The following ATG4C variants were observed in gnomAD, a reference collection of about 807,000 sequenced individuals.
ATG4C encodes autophagy related 4C cysteine peptidase.
ATG4C carries 56 observed loss-of-function variants against 57.6 expected under a neutral mutation model. The ratio of observed to expected loss-of-function variants is 0.97; its 90% CI spans 0.78 to 1.21. ATG4C has a LOEUF of 1.21. ATG4C is among the 50% of genes most tolerant of loss of function. ATG4C has a pLI of 0.00. For missense variants in ATG4C, 595 were observed against 529.8 expected, an observed-to-expected ratio of 1.12 and a Z score of -1.21; for synonymous variants, 157 against 174.1, an observed-to-expected ratio of 0.90 and a Z score of 0.78.
intron 9 of ATG4C, among the ~76,000 whole-genome samples, chr1:62,836,797 C>A (rs931378195): frequency 2.0e-5 from 3 of 151,982 alleles, no homozygotes; most frequent in South Asian, 2.1e-4. Flanking sequence ...GAAATTGAAA[C>A]CTTAAATCAT....
intron 10 of ATG4C, among the ~76,000 whole-genome samples, chr1:62,852,957 T>TAGGA (rs1372171312): frequency 6.6e-6 from 1 of 152,188 alleles, no homozygotes; most frequent in African/African-American, 2.4e-5. Flanking sequence ...TTTGATCTCC[T>TAGGA]ATATTCTGAA....
At chr1:62,862,177 A>G (rs1052446120) in intron 10 of ATG4C, among the ~76,000 whole-genome samples, 2 of 152,160 alleles carry the variant, frequency 1.3e-5, no homozygotes, top group Admixed American at 6.5e-5. Context: ...GCATAAGGAG[A>G]CCTTATACTG....
intron 10 of ATG4C, among the ~76,000 whole-genome samples, chr1:62,852,259 C>T (rs1490819453): frequency 6.6e-6 from 1 of 152,140 alleles, no homozygotes; most frequent in Non-Finnish European, 1.5e-5. Context: ...ACCTCATGTG[C>T]ACATGTTTGG....
chr1:62,812,281 G>A (rs1026054950), intron 3 of ATG4C, among the ~76,000 whole-genome samples: 8 of 152,234 alleles, frequency 5.3e-5, no homozygotes, highest in South Asian at 4.1e-4. Flanking sequence ...CCACGATCAC[G>A]TCGGCTTCAT....
intron 10 of ATG4C, among the ~76,000 whole-genome samples, chr1:62,858,219 A>G (rs1044722845): frequency 2.0e-5 from 3 of 152,184 alleles, no homozygotes; most frequent in African/African-American, 7.2e-5. Flanking sequence ...TTCCTAATTA[A>G]TGTAAATGTT....
chr1:62,839,620 A>T (rs1463709097), intron 9 of ATG4C, among the ~76,000 whole-genome samples: 1 of 152,176 alleles, frequency 6.6e-6, no homozygotes, highest in African/African-American at 2.4e-5. Context: ...ATTCCTGTAA[A>T]TTGTTAACTA....
chr1:62,789,156 TC>T (rs2100274164), intron 1 of ATG4C, among the ~76,000 whole-genome samples: 1 of 152,362 alleles, frequency 6.6e-6, no homozygotes, highest in Admixed American at 6.5e-5. Context: ...AATAGTGATT[TC>T]CCACTTCTGT....
chr1:62,842,262 T>G (rs1666193249), intron 10 of ATG4C, among the ~76,000 whole-genome samples: 1 of 152,064 alleles, frequency 6.6e-6, no homozygotes, highest in Non-Finnish European at 1.5e-5. Context: ...TAGGCTATCA[T>G]TTTATGGTAT....
At chr1:62,791,114 T>C (rs1664261748) in intron 1 of ATG4C, among the ~76,000 whole-genome samples, 1 of 152,222 alleles carries the variant, frequency 6.6e-6, no homozygotes, top group African/African-American at 2.4e-5. Context: ...AATATGTCTC[T>C]TAATAGTTAT....
intron 10 of ATG4C, among the ~76,000 whole-genome samples, chr1:62,847,825 G>T (rs936469375): frequency 1.3e-5 from 2 of 152,108 alleles, no homozygotes; most frequent in Non-Finnish European, 2.9e-5. Context: ...CAAATGGTCC[G>T]GGAGAGTTGA....
chr1:62,831,549 G>A (rs2366822), intron 7 of ATG4C, among the ~76,000 whole-genome samples: 1 of 151,916 alleles, frequency 6.6e-6, no homozygotes, highest in East Asian at 1.9e-4. Flanking sequence ...GTTTATTTAT[G>A]TATGTATGTA....
rs773018462 is a variant in ATG4C at position 62,864,041 on chromosome 1, A to C, written c.1259A>C (p.Asn420Thr). Reference protein sequence around the residue: ...KEKYPLFTFVNGHSRDYDFTS... With the variant: ...KEKYPLFTFVTGHSRDYDFTS... Reference sequence around the variant, plus strand: ...AAATATCCCTTATTTACTTTTGTAAATGGTCATTCCAGAGACTATGATTTT... The same window carrying C: ...AAATATCCCTTATTTACTTTTGTAACTGGTCATTCCAGAGACTATGATTTT... Residue 420 changes from asparagine to threonine, a missense_variant, in exon 11 of 11, where the codon AAT (asparagine) becomes ACT (threonine). Asn to Thr is a moderately conservative substitution (Grantham distance 65, BLOSUM62 0). Transcript: ENST00000317868. 1 of 1,590,356 alleles carries C rather than the reference A, an allele frequency of 6.3e-7. No individual in the cohort carries two copies. Among genetic ancestry groups the C allele is most frequent in the Admixed American group, 1.9e-5 (1 of 52,924 alleles).
chr1:62,812,511 C>T (rs1222038505), intron 3 of ATG4C, among the ~76,000 whole-genome samples: 1 of 151,818 alleles, frequency 6.6e-6, no homozygotes, highest in Non-Finnish European at 1.5e-5. Context: ...CCATATTTTG[C>T]CCATACTGAA....
chr1:62,830,872 AT>A (rs1014484720), intron 7 of ATG4C, among the ~76,000 whole-genome samples: 6 of 152,140 alleles, frequency 3.9e-5, no homozygotes. Context: ...GTTAACCCTA[AT>A]TTGTATAATA....
chr1:62,843,917 GT>G (rs1162537217), intron 10 of ATG4C, among the ~76,000 whole-genome samples: 1 of 152,184 alleles, frequency 6.6e-6, no homozygotes, highest in Non-Finnish European at 1.5e-5. Context: ...AAAGAAGAGG[GT>G]TGAAATGAGA....
intron 10 of ATG4C, among the ~76,000 whole-genome samples, chr1:62,849,873 AT>A (rs1477276783): frequency 1.3e-5 from 2 of 152,150 alleles, no homozygotes; most frequent in Non-Finnish European, 2.9e-5. Flanking sequence ...AAGCTACGCC[AT>A]TATGATGCTC....
chr1:62,863,537 G>A (rs924931677), intron 10 of ATG4C, among the ~76,000 whole-genome samples: 5 of 151,880 alleles, frequency 3.3e-5, no homozygotes, highest in African/African-American at 1.2e-4. Context: ...GTCACATCAA[G>A]GTTAGTTACA....
intron 1 of ATG4C, among the ~76,000 whole-genome samples, chr1:62,802,283 C>T (rs1664704871): frequency 6.6e-6 from 1 of 152,082 alleles, no homozygotes; most frequent in Non-Finnish European, 1.5e-5. Context: ...CTATCATCTC[C>T]TAGTCCTGTA....
chr1:62,853,065 C>T (rs1319992243), intron 10 of ATG4C, among the ~76,000 whole-genome samples: 2 of 152,064 alleles, frequency 1.3e-5, no homozygotes, highest in Admixed American at 6.5e-5. Flanking sequence ...TCCTGCATGT[C>T]GACCAGCTTT....
Sources: allele counts gnomAD v4.1 joint callset (sites outside exome capture counted in the v4.1 genomes callset), GRCh38; gene constraint gnomAD v4.1.1; transcripts MANE v1.5; gene names NCBI Gene and HGNC (gene_info 2026-07-23, HGNC 2026-07-21).